CDK19: variants seen among roughly 807,000 people sequenced by gnomAD.
CDK19 encodes the protein cyclin dependent kinase 19.
Under a neutral mutation model 68.3 loss-of-function variants are expected in CDK19, and 20 were observed. The observed-to-expected ratio is 0.29, with a 90% CI of 0.21 to 0.43. The LOEUF is 0.43. CDK19 is among the 20% of genes least tolerant of loss of function. CDK19 has a pLI of 1.00. For synonymous variants in CDK19, 221 were observed against 222.8 expected (o/e 0.99, Z 0.07); for missense variants, 339 against 623.5 (o/e 0.54, Z 4.86).
intron 2 of CDK19, among the ~76,000 whole-genome samples, chr6:110,734,556 T>TCTCTCTCTCTCCCC (rs1777079286): frequency 6.7e-6 from 1 of 150,006 alleles, no homozygotes. Context: ...TCTCTCTCTC[T>TCTCTCTCTCTCCCC]CTCTCATGTC....
Position 110,646,218 on chromosome 6 carries a change from G to A in CDK19, c.457-7512C>T, listed in dbSNP as rs1269505451. On this transcript the variant is annotated intron_variant, in intron 4 of 12. Coordinates refer to ENST00000368911, the MANE Select transcript of CDK19 (RefSeq NM_015076.5). The stretch of plus-strand genomic sequence containing the variant: ...CATCCTCAGCAACTCGTCGGGGTCC[G>A]ACGCGCAGGAGCTGCTGGCTCTGTG... 17 of 1,445,424 alleles carry A rather than the reference G, an allele frequency of 1.2e-5. No individual in the cohort carries two copies. The South Asian group carries it at 1.2e-4, about 10-fold the overall frequency. The allele number at this position is 1,445,424 out of a possible 1,614,324, so 89.5% of individuals were successfully genotyped here. A position where few individuals can be genotyped will look rare whatever the true frequency, so the allele number is the denominator to read the frequency against.
intron 1 of CDK19, among the ~76,000 whole-genome samples, chr6:110,803,035 G>T (rs760356217): frequency 2.0e-5 from 3 of 151,854 alleles, no homozygotes; most frequent in Non-Finnish European, 2.9e-5. Context: ...TCTGAGATGT[G>T]ACAAGGACAG....
At chr6:110,798,562 T>C (rs1322439908) in intron 1 of CDK19, among the ~76,000 whole-genome samples, 1 of 145,892 alleles carries the variant, frequency 6.9e-6, no homozygotes, top group Non-Finnish European at 1.5e-5. Flanking sequence ...GAGACAGAGG[T>C]TGCAGTGAGC....
chr6:110,721,781 G>A (rs1447413619), intron 2 of CDK19, among the ~76,000 whole-genome samples: 2 of 151,894 alleles, frequency 1.3e-5, no homozygotes, highest in East Asian at 3.9e-4. Context: ...TGACCAACAT[G>A]GTGAAACCTC....
chr6:110,773,227 T>C (rs1394443676), intron 1 of CDK19, among the ~76,000 whole-genome samples: 6 of 151,092 alleles, frequency 4.0e-5, no homozygotes, highest in Admixed American at 6.6e-5. Context: ...TGTCTGTAGT[T>C]CCAGCTACTT....
intron 12 of CDK19, among the ~76,000 whole-genome samples, chr6:110,618,803 C>G (rs1310380104): frequency 7.5e-6 from 1 of 133,150 alleles, no homozygotes. Context: ...CCTTCCAGCC[C>G]CTGCTCTTTG....
intron 2 of CDK19, among the ~76,000 whole-genome samples, chr6:110,739,316 A>G (rs950706143): frequency 6.6e-6 from 1 of 152,098 alleles, no homozygotes; most frequent in Non-Finnish European, 1.5e-5. Context: ...CCATGTGGAG[A>G]CACAGGGAGA....
At chr6:110,676,100 T>C (rs978957475) in intron 2 of CDK19, among the ~76,000 whole-genome samples, 1 of 152,172 alleles carries the variant, frequency 6.6e-6, no homozygotes, top group Non-Finnish European at 1.5e-5. Context: ...GGCATCAACA[T>C]TAACAGGAAT....
chr6:110,734,553 C>CTCTCTCTCTCTCTT (rs1468114437), intron 2 of CDK19, among the ~76,000 whole-genome samples: 1 of 150,386 alleles, frequency 6.6e-6, no homozygotes, highest in Non-Finnish European at 1.5e-5. Context: ...CTCTCTCTCT[C>CTCTCTCTCTCTCTT]TCTCTCTCAT....
At chr6:110,763,216 G>T (rs1272838460) in intron 1 of CDK19, among the ~76,000 whole-genome samples, 1 of 152,144 alleles carries the variant, frequency 6.6e-6, no homozygotes, top group Non-Finnish European at 1.5e-5. Flanking sequence ...TCTCATAAAA[G>T]TTAAGGCAAA....
intron 2 of CDK19, among the ~76,000 whole-genome samples, chr6:110,692,023 C>T (rs1339095878): frequency 1.3e-5 from 2 of 151,416 alleles, no homozygotes; most frequent in African/African-American, 2.4e-5. Flanking sequence ...TGGCTGGGCG[C>T]GGTGGCTCAT....
intron 2 of CDK19, among the ~76,000 whole-genome samples, chr6:110,734,520 G>GCTCGCTCTCTCTCT (rs991736850): frequency 1.3e-3 from 109 of 85,782 alleles, no homozygotes; most frequent in Non-Finnish European, 1.8e-3. Flanking sequence ...GGTGAGCACT[G>GCTCGCTCTCTCTCT]CTCTCTCTCT....
At chr6:110,670,272 G>C (rs1019093176) in intron 3 of CDK19, among the ~76,000 whole-genome samples, 159 bp downstream of exon 3, 8 of 151,628 alleles carry the variant, frequency 5.3e-5, no homozygotes, top group African/African-American at 1.7e-4. Flanking sequence ...TGAGTTTATT[G>C]CTTAAATTCT....
intron 1 of CDK19, among the ~76,000 whole-genome samples, chr6:110,759,428 A>ATACATATATATATATATATATATAT (rs1554219514): frequency 2.0e-5 from 1 of 50,916 alleles, no homozygotes; most frequent in Admixed American, 3.2e-4. Flanking sequence ...AAAAAAAAAA[A>ATACATATATATATATATATATATAT]ATATATATAT....
intron 2 of CDK19, among the ~76,000 whole-genome samples, chr6:110,695,314 T>C (rs1402130420): frequency 6.6e-6 from 1 of 152,104 alleles, no homozygotes; most frequent in Admixed American, 6.5e-5. Context: ...TGAACGATAA[T>C]AGTGACACAA....
chr6:110,733,607 C>T (rs1447983032), intron 2 of CDK19, among the ~76,000 whole-genome samples: 1 of 152,104 alleles, frequency 6.6e-6, no homozygotes, highest in African/African-American at 2.4e-5. Flanking sequence ...ATGGTATTAT[C>T]AGTCTTCTTC....
chr6:110,641,055 A>G (rs1199143638), intron 4 of CDK19, among the ~76,000 whole-genome samples: 1 of 152,178 alleles, frequency 6.6e-6, no homozygotes, highest in Non-Finnish European at 1.5e-5. Context: ...TTTGAAAGTT[A>G]TTATCACCAG....
At chr6:110,744,994 C>T (rs1056433502) in intron 2 of CDK19, among the ~76,000 whole-genome samples, 9 of 152,124 alleles carry the variant, frequency 5.9e-5, no homozygotes, top group South Asian at 2.1e-4. Context: ...CTAATGGATA[C>T]GGACAATATA....
At chr6:110,646,676 T>C (rs2691173) in intron 4 of CDK19, 157,927 of 452,370 alleles carry the variant, frequency 0.35, 31,667 homozygotes, top group African/African-American at 0.61. Flanking sequence ...GCTATATGTC[T>C]CTCTGGGAAT....
Sources: gnomAD v4.1 joint callset for allele counts (sites outside exome capture counted in the v4.1 genomes callset) on GRCh38, gnomAD v4.1.1 for gene constraint, MANE v1.5 for transcripts, NCBI Gene and HGNC (gene_info 2026-07-23, HGNC 2026-07-21) for gene names.